The following CRYBB1 variants were observed in gnomAD, a reference collection of about 807,000 sequenced individuals.
CRYBB1 encodes beta-crystallin B1.
A neutral mutation model predicts 29.5 loss-of-function variants in CRYBB1; 16 were observed. That is an observed-to-expected ratio of 0.54 (90% CI 0.37 to 0.82). The LOEUF is 0.82. Among genes scored for constraint, CRYBB1 ranks in the 40% least tolerant of loss-of-function variants. The pLI, the probability that CRYBB1 is intolerant of heterozygous loss-of-function variation, is 0.00. For synonymous variants in CRYBB1, 127 were observed against 136.7 expected, an observed-to-expected ratio of 0.93 and a Z score of 0.49; for missense variants, 300 against 350.5, an observed-to-expected ratio of 0.86 and a Z score of 1.15.
intron 4 of CRYBB1, among the ~76,000 whole-genome samples, chr22:26,605,692 A>AG (rs1323677668): frequency 6.7e-6 from 1 of 148,804 alleles, no homozygotes; most frequent in African/African-American, 2.4e-5. Context: ...AAAAAAAAAA[A>AG]GGAAAATAGA....
intron 4 of CRYBB1, among the ~76,000 whole-genome samples, chr22:26,603,667 G>C (rs1928891325): frequency 6.6e-6 from 1 of 152,130 alleles, no homozygotes; most frequent in South Asian, 2.1e-4. Flanking sequence ...CACTTTAGGA[G>C]GCCAAGATGG....
chr22:26,612,207 C>T lies in CRYBB1; in HGVS notation c.181-17G>A. 1 of 1,580,886 alleles carries T rather than the reference C, an allele frequency of 6.3e-7. No homozygotes were observed. Among genetic ancestry groups the T allele is most frequent in the Non-Finnish European group, 8.7e-7 (1 of 1,150,030 alleles). On this transcript the variant is annotated splice_polypyrimidine_tract_variant and intron_variant, in intron 2 of 5. Transcript: ENST00000647684. ...GACCACCAGCTGCAGGAGAGAAGCC[C>T]CCATGCCAAGGGCAGAGTGAGGGGG...
chr22:26,616,113 C>T (rs768532336), intron 2 of CRYBB1, 27 bp downstream of exon 2: 5 of 1,598,502 alleles, frequency 3.1e-6, no homozygotes, highest in African/African-American at 1.3e-5. Context: ...GGCATGGCAC[C>T]CAGCCACTGC....
At chr22:26,611,746 T>G (rs913442986) in intron 3 of CRYBB1, among the ~76,000 whole-genome samples, 3 of 152,050 alleles carry the variant, frequency 2.0e-5, no homozygotes, top group African/African-American at 7.2e-5. Flanking sequence ...AGTGCTGGGA[T>G]TACAGGCGTG....
intron 2 of CRYBB1, among the ~76,000 whole-genome samples, chr22:26,613,865 C>T (rs1053819345): frequency 1.3e-5 from 2 of 152,298 alleles, no homozygotes; most frequent in South Asian, 4.2e-4. Context: ...GGAGAAATAT[C>T]GCTGAATTCT....
At chr22:26,610,597 A>C (rs1335468680) in intron 3 of CRYBB1, among the ~76,000 whole-genome samples, 2 of 152,158 alleles carry the variant, frequency 1.3e-5, no homozygotes, top group Non-Finnish European at 1.5e-5. Flanking sequence ...CGTTGACCAC[A>C]CTGAGGGTGC....
intron 4 of CRYBB1, among the ~76,000 whole-genome samples, chr22:26,604,175 A>T (rs1928907052): frequency 6.6e-6 from 1 of 152,130 alleles, no homozygotes; most frequent in South Asian, 2.1e-4. Flanking sequence ...CTAGGTTCAA[A>T]CCCACAGACC....
At chr22:26,607,019 CTT>C (rs34126720) in intron 4 of CRYBB1, among the ~76,000 whole-genome samples, 15,132 of 111,236 alleles carry the variant, frequency 0.14, 740 homozygotes, top group East Asian at 0.26. Flanking sequence ...TATCCCTCTC[CTT>C]TTTTTTTTTT....
intron 3 of CRYBB1, among the ~76,000 whole-genome samples, chr22:26,610,387 C>T (rs1246084753): frequency 1.3e-5 from 2 of 152,182 alleles, no homozygotes; most frequent in African/African-American, 4.8e-5. Context: ...AGACCCAGGC[C>T]CCCGGACCAC....
At chr22:26,614,597 G>C (rs1929283626) in intron 2 of CRYBB1, among the ~76,000 whole-genome samples, 1 of 152,162 alleles carries the variant, frequency 6.6e-6, no homozygotes, top group African/African-American at 2.4e-5. Context: ...ATGGCCGGCA[G>C]TCATGCGCAA....
In CRYBB1 at chr22:26,599,547, G is replaced by A. The variant is rs1302917720; in HGVS notation, c.702C>T (p.Asp234=). The A allele has an allele frequency of 7.4e-6, 12 of 1,614,144 alleles. No individual in the cohort carries two copies. Among genetic ancestry groups the A allele is most frequent in the Non-Finnish European group, 1.0e-5 (12 of 1,180,048 alleles). The part of the protein sequence containing the change: ...PQMQSLRRLR[D]KQWHLEGSFP... ...AGGACCCCTCGAGGTGCCACTGCTT[G>A]TCACGCAGGCGACGCAGGGACTGCA... is the stretch of plus-strand genomic sequence containing the variant. The change falls in exon 6 of 6, where the codon GAC becomes GAT. Residue 234 remains aspartate (D), a synonymous_variant. Coordinates refer to ENST00000647684, the MANE Select transcript of CRYBB1 (RefSeq NM_001887.4).
At chr22:26,610,163 G>A (rs951366908) in intron 3 of CRYBB1, among the ~76,000 whole-genome samples, 6 of 152,096 alleles carry the variant, frequency 3.9e-5, no homozygotes, top group South Asian at 4.1e-4. Context: ...ATTTCAACCC[G>A]CAAGCAGGGA....
chr22:26,616,463 A>G (rs568492943), intron 1 of CRYBB1, 125 bp from the exon 2 acceptor site: 61 of 692,778 alleles, frequency 8.8e-5, no homozygotes, highest in African/African-American at 8.0e-4. Flanking sequence ...TGAAACGGTT[A>G]AGCCTGGAAG....
rs1396904535 is a variant in CRYBB1 at position 26,608,031 on chromosome 22, A to G, written c.300-10T>C. ...CTCAAAGGCGACCCAGCTGGATACA[A>G]GAAGGACCATGAGGCAGACAGGAGA... On this transcript the variant is annotated splice_polypyrimidine_tract_variant and intron_variant, in intron 3 of 5. Transcript: ENST00000647684. 3.7e-6 allele frequency: 6 copies of G among 1,614,020 alleles called. No individual in the cohort carries two copies. The Admixed American group carries it at 1.0e-4, about 27-fold the overall frequency.
In CRYBB1 at chr22:26,612,187, C is replaced by G. The variant is rs1360441712; in HGVS notation, c.184G>C (p.Val62Leu). ...AELPPGNYRLVVFELENFQGR... is the reference protein window; with the variant it reads ...AELPPGNYRLLVFELENFQGR... ...TGGAAGTTTTCCAGTTCGAAGACCA[C>G]CAGCTGCAGGAGAGAAGCCCCCATG... The change falls in exon 3 of 6, where the codon GTG becomes CTG. Residue 62 changes from valine (V) to leucine (L), a missense_variant. Physicochemically the swap from Val to Leu is conservative, Grantham distance 32. Coordinates refer to ENST00000647684, the MANE Select transcript of CRYBB1 (RefSeq NM_001887.4). 1.9e-6 allele frequency: 3 copies of G among 1,611,016 alleles called. No homozygotes were observed. The highest frequency in any genetic ancestry group is 2.5e-6 in the Non-Finnish European group (3 of 1,177,588).
At chr22:26,604,477 T>C (rs1010538047) in intron 4 of CRYBB1, among the ~76,000 whole-genome samples, 1 of 152,050 alleles carries the variant, frequency 6.6e-6, no homozygotes, top group Non-Finnish European at 1.5e-5. Flanking sequence ...CAGTAGGAGA[T>C]TATAGATGAA....
chr22:26,599,746 C>T, intron 5 of CRYBB1, 73 bp from the exon 6 acceptor site: 2 of 1,184,174 alleles, frequency 1.7e-6, no homozygotes, highest in Non-Finnish European at 2.5e-6. Flanking sequence ...CCTGCCAGAC[C>T]AGCCTGTCCT....
intron 5 of CRYBB1, among the ~76,000 whole-genome samples, chr22:26,601,040 A>G (rs1476365421): frequency 6.6e-6 from 1 of 152,202 alleles, no homozygotes; most frequent in Admixed American, 6.5e-5. Flanking sequence ...TGCCTGGCTC[A>G]CAGACAAGGC....
At position 26,607,941 on chromosome 22, in the gene CRYBB1, C is replaced by T. The variant is rs777039792; in HGVS notation, c.380G>A (p.Trp127Ter). 8.1e-6 allele frequency: 13 copies of T among 1,614,222 alleles called. No homozygotes were observed. The highest frequency in any genetic ancestry group is 1.1e-5 in the Non-Finnish European group (13 of 1,180,046). The change falls in exon 4 of 6, where the codon TGG becomes TAG. Residue 127 changes from tryptophan to a stop codon, truncating the protein, a stop_gained. Transcript: ENST00000647684. LOFTEE classifies it high-confidence loss of function. The part of the protein sequence containing the change: ...EKGEYPRWNT[W>*]SSSYRSDRLM... ...CCGATCACTGCGGTAGCTGCTCGAC[C>T]ATGTGTTCCAGCGAGGGTACTCGCC... is the stretch of plus-strand genomic sequence containing the variant.
Sources: allele counts gnomAD v4.1 joint callset (sites outside exome capture counted in the v4.1 genomes callset), GRCh38; gene constraint gnomAD v4.1.1; transcripts MANE v1.5; gene names NCBI Gene and HGNC (gene_info 2026-07-23, HGNC 2026-07-21).